Variants in PDE7B observed in about 807,000 individuals in gnomAD.
The protein encoded by PDE7B is phosphodiesterase 7B.
PDE7B carries 29 observed loss-of-function variants against 56.2 expected under a neutral mutation model. The observed-to-expected ratio is 0.52, with a 90% confidence interval of 0.38 to 0.70. The LOEUF (loss-of-function observed/expected upper bound fraction) is 0.70, where lower values mean the gene tolerates loss of function less well. Among genes scored for constraint, PDE7B ranks in the 30% least tolerant of loss-of-function variants. The probability of loss-of-function intolerance (pLI) is 0.00; values close to 1 mark genes in which losing one functional copy is unlikely to be tolerated. For synonymous variants in PDE7B, 197 were observed against 196.9 expected, an observed-to-expected ratio of 1.00 and a Z score of 0.00; for missense variants, 490 against 565.0, an observed-to-expected ratio of 0.87 and a Z score of 1.35.
rs1257309097 is a variant in PDE7B, at chr6:135,931,949, GCGCGCA to G, written c.22-15513_22-15508del. ...TTTGTTACCGCGCACACACACACGC[GCGCGCA>G]CACACACACACACACACACACACAC... is the stretch of plus-strand genomic sequence containing the variant. On this transcript the variant is annotated intron_variant, in intron 1 of 12. Transcript: ENST00000308191. Among the ~76,000 whole-genome samples, 304 of 62,152 alleles carry G rather than the reference GCGCGCA, an allele frequency of 4.9e-3. 2 individuals are homozygous for G. Among genetic ancestry groups the G allele is most frequent in the Middle Eastern group, 8.6e-3 (1 of 116 alleles). The allele number at this position is 62,152 out of a possible 152,430, so 40.8% of individuals were successfully genotyped here. A position where few individuals can be genotyped will look rare whatever the true frequency, so the allele number is the denominator to read the frequency against.
intron 1 of PDE7B, among the ~76,000 whole-genome samples, chr6:135,906,202 A>G (rs893516535): frequency 5.9e-5 from 9 of 152,282 alleles, no homozygotes; most frequent in African/African-American, 1.7e-4. Flanking sequence ...TTAGGACAGT[A>G]AAAAGCTTGA....
intron 2 of PDE7B, among the ~76,000 whole-genome samples, chr6:136,084,566 C>T (rs1777257446): frequency 6.6e-6 from 1 of 152,110 alleles, no homozygotes; most frequent in Non-Finnish European, 1.5e-5. Flanking sequence ...TTCTGTGATT[C>T]AAGATAAACA....
rs75415242 is a variant in PDE7B, at chr6:136,178,621, C to T, written c.804-376C>T. On this transcript the variant is annotated intron_variant, in intron 9 of 12. Coordinates refer to ENST00000308191, the MANE Select transcript of PDE7B (RefSeq NM_018945.4). The stretch of plus-strand genomic sequence containing the variant: ...CTATTGTTATGCCCTTTTCTCTCTC[C>T]GTGCACATCTTCATGTTTGAACTCT... Among the ~76,000 whole-genome samples the T allele has an allele frequency of 4.8e-3, 733 of 152,200 alleles. 5 individuals carry two copies. Among genetic ancestry groups the T allele is most frequent in the African/African-American group, 0.017 (704 of 41,520 alleles).
At chr6:136,029,070 T>C (rs1776196997) in intron 2 of PDE7B, among the ~76,000 whole-genome samples, 1 of 152,220 alleles carries the variant, frequency 6.6e-6, no homozygotes, top group Non-Finnish European at 1.5e-5. Context: ...TTTGAACTAG[T>C]TTTATAAGTA....
chr6:135,995,116 G>A (rs113111807), intron 2 of PDE7B, among the ~76,000 whole-genome samples: 7,891 of 152,084 alleles, frequency 0.052, 619 homozygotes, highest in African/African-American at 0.17. Flanking sequence ...GCTGCCCTGG[G>A]ACCCTTTGGC....
chr6:135,861,390 A>T (rs1028210370), intron 1 of PDE7B, among the ~76,000 whole-genome samples: 3 of 151,708 alleles, frequency 2.0e-5, no homozygotes, highest in African/African-American at 7.2e-5. Context: ...TCTTGGTTTT[A>T]ATTTTCACTT....
chr6:136,056,798 C>T (rs780028599), intron 2 of PDE7B, among the ~76,000 whole-genome samples: 2 of 152,044 alleles, frequency 1.3e-5, no homozygotes, highest in Non-Finnish European at 2.9e-5. Flanking sequence ...TCCCAAAGTG[C>T]TGGGATTACA....
At chr6:136,114,764 C>T (rs1228372584) in intron 3 of PDE7B, 1 of 152,240 alleles carries the variant, frequency 6.6e-6, no homozygotes, top group Non-Finnish European at 1.5e-5. Context: ...TCAGACTTCT[C>T]CTCACACTTG....
intron 1 of PDE7B, among the ~76,000 whole-genome samples, chr6:135,941,884 A>T (rs1478363066): frequency 6.6e-6 from 1 of 152,210 alleles, no homozygotes; most frequent in Non-Finnish European, 1.5e-5. Context: ...TAAAAAGATT[A>T]GTTGCTGGAG....
intron 2 of PDE7B, among the ~76,000 whole-genome samples, chr6:135,990,375 C>CTACT (rs1775459040): frequency 6.6e-6 from 1 of 152,100 alleles, no homozygotes; most frequent in Admixed American, 6.5e-5. Flanking sequence ...GGATTACAGG[C>CTACT]GTGAGCTACT....
At chr6:136,122,102 T>C (rs900656330) in intron 3 of PDE7B, among the ~76,000 whole-genome samples, 1 of 152,042 alleles carries the variant, frequency 6.6e-6, no homozygotes, top group East Asian at 1.9e-4. Context: ...TTCACGCCAC[T>C]CTCCTGCCTC....
At chr6:136,183,521 G>A (rs1244335056) in intron 11 of PDE7B, among the ~76,000 whole-genome samples, 10 of 150,180 alleles carry the variant, frequency 6.7e-5, no homozygotes, top group East Asian at 5.9e-4. Context: ...GCATGAACCC[G>A]GGAGGCAGAG....
chr6:136,088,424 A>G (rs913330315), intron 2 of PDE7B, among the ~76,000 whole-genome samples: 1 of 152,318 alleles, frequency 6.6e-6, no homozygotes, highest in Non-Finnish European at 1.5e-5. Context: ...TAAGTGATGC[A>G]CTAAGCTGGA....
chr6:136,084,125 G>T (rs963780008), intron 2 of PDE7B, among the ~76,000 whole-genome samples: 2 of 151,956 alleles, frequency 1.3e-5, no homozygotes, highest in Non-Finnish European at 2.9e-5. Flanking sequence ...AAATCATTTC[G>T]ATCATTTCAA....
intron 2 of PDE7B, among the ~76,000 whole-genome samples, chr6:135,995,058 C>A (rs1562463414): frequency 6.6e-6 from 1 of 152,298 alleles, no homozygotes; most frequent in East Asian, 1.9e-4. Context: ...TTCTTCATGT[C>A]CCCTCCCAAC....
At chr6:136,034,142 A>G (rs1776287537) in intron 2 of PDE7B, 1 of 152,160 alleles carries the variant, frequency 6.6e-6, no homozygotes, top group East Asian at 1.9e-4. Flanking sequence ...CTAAGTTTCC[A>G]TTTTTTTGAA....
Position 135,856,681 on chromosome 6 carries a change from C to A in PDE7B, c.21+4662C>A, listed in dbSNP as rs552531248. Among the ~76,000 whole-genome samples, 621 of 152,226 alleles carry A rather than the reference C, an allele frequency of 4.1e-3. 9 individuals carry two copies. The highest frequency in any genetic ancestry group is 0.019 in the South Asian group (92 of 4,818). The stretch of plus-strand genomic sequence containing the variant: ...GGTGTCTGCTCTGAGTGAGAGTTTA[C>A]ATTTAACACCTCAAGCATGGAAAAT... On this transcript the variant is annotated intron_variant, in intron 1 of 12. Coordinates refer to ENST00000308191, the MANE Select transcript of PDE7B (RefSeq NM_018945.4).
At chr6:135,901,038 A>G (rs760179655) in intron 1 of PDE7B, among the ~76,000 whole-genome samples, 5 of 152,160 alleles carry the variant, frequency 3.3e-5, no homozygotes, top group Non-Finnish European at 5.9e-5. Context: ...CCACTTATAG[A>G]ACTGCTAGAA....
At chr6:136,141,136 T>C (rs575911043) in intron 3 of PDE7B, among the ~76,000 whole-genome samples, 152 of 152,300 alleles carry the variant, frequency 1.0e-3, no homozygotes, top group African/African-American at 3.5e-3. Flanking sequence ...TTGAGATACG[T>C]CCCATCAGTA....
Sources: allele counts gnomAD v4.1 joint callset (sites outside exome capture counted in the v4.1 genomes callset), GRCh38; gene constraint gnomAD v4.1.1; transcripts MANE v1.5; gene names NCBI Gene and HGNC (gene_info 2026-07-23, HGNC 2026-07-21).